Variants in ZNF536 observed in about 807,000 individuals in gnomAD.
The protein encoded by ZNF536 is zinc finger protein 536.
In ZNF536, 13 loss-of-function variants were observed where a neutral mutation model predicts 84.5. The observed-to-expected ratio is 0.15, with a 90% CI of 0.10 to 0.24. The LOEUF is 0.24. Ranked by LOEUF, ZNF536 falls within the 10% of genes least tolerant of loss-of-function variation. ZNF536 has a pLI of 1.00. For synonymous variants in ZNF536, 811 were observed against 742.5 expected (o/e 1.09, Z -1.50); for missense variants, 1,536 against 1,747.5 (o/e 0.88, Z 2.16).
chr19:30,708,540 C>T (rs568878703), intron 1 of ZNF536, among the ~76,000 whole-genome samples: 145 of 152,304 alleles, frequency 9.5e-4, no homozygotes, highest in African/African-American at 3.3e-3. Flanking sequence ...GGAGGACAGG[C>T]TGGCGGTGGG....
Position 30,445,883 on chromosome 19 carries a change from T to G in ZNF536, c.2170+151T>G. On this transcript the variant is annotated intron_variant, in intron 2 of 4. Transcript: ENST00000355537. This position sits in a 1 kb window ranked among gnomAD's most constrained non-coding sequence, Gnocchi z 4.5. ...TTGGACACTGGGCCATGCCTTTCTT[T>G]CCCCCCCTGACTGGAGGGAAAGGGC... is the stretch of plus-strand genomic sequence containing the variant. The G allele has an allele frequency of 9.1e-7, 1 of 1,102,424 alleles. No homozygotes were observed. Among genetic ancestry groups the G allele is most frequent in the Non-Finnish European group, 1.2e-6 (1 of 814,198 alleles). The allele number at this position is 1,102,424 out of a possible 1,614,324, so 68.3% of individuals were successfully genotyped here.
At chr19:30,411,480 A>C (rs2050493396) in intron 1 of ZNF536, among the ~76,000 whole-genome samples, 1 of 152,208 alleles carries the variant, frequency 6.6e-6, no homozygotes, top group African/African-American at 2.4e-5. Flanking sequence ...CTATGATTTC[A>C]GTGATGACTT....
intron 1 of ZNF536, among the ~76,000 whole-genome samples, chr19:30,267,268 T>C (rs1352907699): frequency 6.6e-6 from 1 of 152,228 alleles, no homozygotes; most frequent in Non-Finnish European, 1.5e-5. Context: ...TTTTGTGTTA[T>C]TAGAGATACA....
At chr19:30,475,966 G>C (rs2053828841) in intron 2 of ZNF536, among the ~76,000 whole-genome samples, 1 of 152,160 alleles carries the variant, frequency 6.6e-6, no homozygotes, top group Non-Finnish European at 1.5e-5. Context: ...TGCATTGGTA[G>C]CTTTGTTCTG....
chr19:30,504,849 G>A (rs1050539977), intron 2 of ZNF536, among the ~76,000 whole-genome samples: 2 of 152,020 alleles, frequency 1.3e-5, no homozygotes, highest in African/African-American at 2.4e-5. Context: ...CGCCATTTCC[G>A]ATGAGGATGT....
intron 2 of ZNF536, among the ~76,000 whole-genome samples, chr19:30,349,210 C>A (rs187213559): frequency 4.5e-4 from 68 of 152,324 alleles, no homozygotes; most frequent in African/African-American, 1.6e-3. Context: ...TCTATGTGCC[C>A]TTTCTGCTTT....
intron 2 of ZNF536, among the ~76,000 whole-genome samples, chr19:30,481,028 CA>C (rs55924638): frequency 0.26 from 29,202 of 114,068 alleles, 4,721 homozygotes; most frequent in African/African-American, 0.49. Context: ...GACCCTGTCT[CA>C]AAAAAAAAAA....
At chr19:30,373,248 A>G (rs1200452446) in intron 1 of ZNF536, among the ~76,000 whole-genome samples, 1 of 152,078 alleles carries the variant, frequency 6.6e-6, no homozygotes, top group African/African-American at 2.4e-5. Context: ...CCCACTGGCC[A>G]GGCCCTCATC....
chr19:30,255,247 G>A (rs184848447), intron 1 of ZNF536, among the ~76,000 whole-genome samples: 107 of 152,130 alleles, frequency 7.0e-4, no homozygotes, highest in South Asian at 6.0e-3. Flanking sequence ...TTACTAATTC[G>A]GTGGGAACAT....
At position 30,684,933 on chromosome 19, in the gene ZNF536, A is replaced by C. The variant is rs546354378; in HGVS notation, c.170-25824A>C. 4.6e-5 allele frequency among the ~76,000 whole-genome samples: 7 copies of C among 151,988 alleles called. No individual in the cohort carries two copies. The East Asian group carries it at 1.4e-3, about 30-fold the overall frequency. On this transcript the variant is annotated intron_variant, in intron 1 of 1. Coordinates refer to the ZNF536 transcript ENST00000592773. ...CAAACTTAGCCTACTGGGGCCACTT[A>C]TGTTTTCAGTGCGTCTTCCAGGGGG...
chr19:30,272,566 G>A (rs2025911826), intron 1 of ZNF536, among the ~76,000 whole-genome samples: 1 of 152,116 alleles, frequency 6.6e-6, no homozygotes, highest in East Asian at 1.9e-4. Context: ...AATCCCCTGA[G>A]CTCCACTCCC....
chr19:30,434,311 C>T (rs530762477), intron 1 of ZNF536, among the ~76,000 whole-genome samples: 12 of 152,322 alleles, frequency 7.9e-5, no homozygotes, highest in East Asian at 1.9e-4. Context: ...TACATTTCTC[C>T]GTCTGCAGTG....
intron 1 of ZNF536, among the ~76,000 whole-genome samples, chr19:30,409,121 A>G (rs907780201): frequency 3.3e-5 from 5 of 152,176 alleles, no homozygotes; most frequent in African/African-American, 1.2e-4. Flanking sequence ...CCATTCGTCT[A>G]TTCATCCATC....
intron 2 of ZNF536, among the ~76,000 whole-genome samples, chr19:30,289,393 T>A (rs2045755193): frequency 6.6e-6 from 1 of 152,254 alleles, no homozygotes; most frequent in Non-Finnish European, 1.5e-5. Flanking sequence ...AAACTCACCC[T>A]TGTAGTCATT....
chr19:30,290,535 G>A (rs2045801639), intron 2 of ZNF536, among the ~76,000 whole-genome samples: 1 of 152,160 alleles, frequency 6.6e-6, no homozygotes, highest in African/African-American at 2.4e-5. Flanking sequence ...GCCTCCCAAA[G>A]TGCTGGGATT....
intron 1 of ZNF536, among the ~76,000 whole-genome samples, chr19:30,657,492 T>A (rs2147525950): frequency 6.6e-6 from 1 of 152,338 alleles, no homozygotes; most frequent in Non-Finnish European, 1.5e-5. Context: ...CTGCCACTGC[T>A]CCGACAACGT....
At chr19:30,602,139 G>T (rs2047709577) in intron 1 of ZNF536, among the ~76,000 whole-genome samples, 1 of 152,196 alleles carries the variant, frequency 6.6e-6, no homozygotes, top group South Asian at 2.1e-4. Flanking sequence ...GAAGTATTGG[G>T]TTCTCACTTT....
chr19:30,629,347 G>C (rs78640869), intron 1 of ZNF536, among the ~76,000 whole-genome samples: 2 of 152,068 alleles, frequency 1.3e-5, no homozygotes, highest in Admixed American at 1.3e-4. Context: ...CCACAGGCAG[G>C]TATCACCGTG....
intron 1 of ZNF536, among the ~76,000 whole-genome samples, chr19:30,618,116 T>A (rs11084558): frequency 6.6e-6 from 1 of 152,148 alleles, no homozygotes; most frequent in Admixed American, 6.5e-5. Context: ...TGGTGATTTC[T>A]GCTTTTTAAT....
Sources: gnomAD v4.1 joint callset for allele counts (sites outside exome capture counted in the v4.1 genomes callset) on GRCh38, gnomAD v4.1.1 for gene constraint, Gnocchi (gnomAD v3.1) non-coding constraint, MANE v1.5 for transcripts, NCBI Gene and HGNC (gene_info 2026-07-23, HGNC 2026-07-21) for gene names.